Variants in OTUD7B observed in about 807,000 individuals in gnomAD.
The protein encoded by OTUD7B is OTU deubiquitinase 7B, also known as OTU domain-containing protein 7B.
OTUD7B carries 34 observed loss-of-function variants against 82.2 expected under a neutral mutation model. The observed-to-expected ratio is 0.41, with a 90% CI of 0.31 to 0.55. The LOEUF is 0.55. OTUD7B is among the 20% of genes least tolerant of loss of function. The pLI, the probability that OTUD7B is intolerant of heterozygous loss-of-function variation, is 0.20. For missense variants in OTUD7B, 944 were observed against 1,062.1 expected (o/e 0.89, Z 1.55); for synonymous variants, 398 against 402.7 (o/e 0.99, Z 0.14).
At chr1:150,049,416 A>G in the OTUD7B span, among the ~76,000 whole-genome samples, 11 of 152,284 alleles carry the variant, frequency 7.2e-5, no homozygotes, top group African/African-American at 2.6e-4. Context: ...ACTTTTAATA[A>G]TAACTGAAAA....
intron 11 of OTUD7B, among the ~76,000 whole-genome samples, chr1:149,946,312 G>C (rs1333523435): frequency 1.3e-5 from 2 of 151,792 alleles, no homozygotes; most frequent in African/African-American, 4.8e-5. Flanking sequence ...GCAGTGAGCT[G>C]AGATCGTGTC....
chr1:149,975,851 T>A (rs1318066369), intron 2 of OTUD7B, among the ~76,000 whole-genome samples: 1 of 151,738 alleles, frequency 6.6e-6, no homozygotes, highest in Non-Finnish European at 1.5e-5. Flanking sequence ...TGAAACCCCA[T>A]CTCTACTAAA....
rs587686955 is a variant in OTUD7B at position 149,986,090 on chromosome 1, G to T, written c.-66-8514C>A. On this transcript the variant is annotated intron_variant, in intron 1 of 11. Transcript: ENST00000581312. The stretch of plus-strand genomic sequence containing the variant: ...ATGTTTATCACCCTGCATGGTAGTT[G>T]TGTTTATTTACATGTTTGTCTCCCC... 1.3e-3 allele frequency among the ~76,000 whole-genome samples: 194 copies of T among 152,226 alleles called. 1 individual carries two copies. Among genetic ancestry groups the T allele is most frequent in the African/African-American group, 4.6e-3 (191 of 41,522 alleles).
At chr1:150,065,849 G>GTTTCTTTTTTTTTTTTTT in the OTUD7B span, among the ~76,000 whole-genome samples, 18 of 151,630 alleles carry the variant, frequency 1.2e-4, no homozygotes, top group Middle Eastern at 3.4e-3. Flanking sequence ...TGTTCAAAAT[G>GTTTCTTTTTTTTTTTTTT]TTTATGTTCC....
the OTUD7B span, chr1:150,054,358 G>A: frequency 3.8e-6 from 2 of 532,228 alleles, no homozygotes; most frequent in Non-Finnish European, 7.4e-6. Context: ...TTTTCCTGAA[G>A]CAGCTGGCTA....
At chr1:149,963,670 A>C (rs1649317022) in intron 6 of OTUD7B, 1 of 152,026 alleles carries the variant, frequency 6.6e-6, no homozygotes, top group Admixed American at 6.6e-5. Flanking sequence ...AACATTTGAC[A>C]AACTCCTGAG....
intron 1 of OTUD7B, among the ~76,000 whole-genome samples, chr1:149,983,016 A>G (rs1360795031): frequency 6.6e-6 from 1 of 151,532 alleles, no homozygotes; most frequent in East Asian, 1.9e-4. Flanking sequence ...CACCACACCC[A>G]GCTAATTTTT....
rs782062961 is a variant in OTUD7B, at chr1:149,950,156, T to A, written c.911A>T (p.His304Leu). The A allele has an allele frequency of 2.5e-6, 4 of 1,613,900 alleles. No individual in the cohort carries two copies. The highest frequency in any genetic ancestry group is 3.3e-5 in the Admixed American group (2 of 60,004). ...GACGACTATGGGCCTCCTAAGCACA[T>A]GAGCAAGGACAAAGACGTGAAACTC... ...LEEFHVFVLA[H>L]VLRRPIVVVA... is the part of the protein sequence containing the mutation. Residue 304 changes from histidine to leucine, a missense_variant, in exon 8 of 12, where the codon CAT (histidine) becomes CTT (leucine). By Grantham distance (99) the His-to-Leu change is moderately conservative. Transcript: ENST00000581312.
intron 1 of OTUD7B, among the ~76,000 whole-genome samples, chr1:150,009,743 G>A (rs141761707): frequency 6.6e-6 from 1 of 152,154 alleles, no homozygotes; most frequent in South Asian, 2.1e-4. Flanking sequence ...AAATACGCCG[G>A]CCCAGTAAAC....
At chr1:150,054,089 G>T in the OTUD7B span, 1 of 405,608 alleles carries the variant, frequency 2.5e-6, no homozygotes, top group Admixed American at 3.4e-5. Context: ...GTACTCAGCT[G>T]TGAAATCCAA....
Position 149,992,203 on chromosome 1 carries a change from G to A in OTUD7B, c.-66-14627C>T, listed in dbSNP as rs1057019478. Among the ~76,000 whole-genome samples the A allele has an allele frequency of 6.6e-5, 10 of 152,140 alleles. No homozygotes were observed. In the South Asian group the frequency reaches 8.3e-4, roughly 13 times the overall value. On this transcript the variant is annotated intron_variant, in intron 1 of 11. Coordinates refer to ENST00000581312, the MANE Select transcript of OTUD7B (RefSeq NM_020205.4). ...TGGCGCCACTGCACTCCAGCCTGGCGACACAGCAAGACTCCGTCTCAAAAT... is the reference window on the plus strand; with the variant it reads ...TGGCGCCACTGCACTCCAGCCTGGCAACACAGCAAGACTCCGTCTCAAAAT...
At chr1:149,948,435 G>A (rs1240045339) in intron 10 of OTUD7B, among the ~76,000 whole-genome samples, 1 of 141,276 alleles carries the variant, frequency 7.1e-6, no homozygotes, top group African/African-American at 2.6e-5. Flanking sequence ...GCAGTGGCAC[G>A]ATGTCGGCTC....
the OTUD7B span, among the ~76,000 whole-genome samples, chr1:150,063,817 A>G: frequency 6.6e-6 from 1 of 152,218 alleles, no homozygotes; most frequent in Non-Finnish European, 1.5e-5. Context: ...AACTGTGATG[A>G]AAATTTAACA....
intron 7 of OTUD7B, among the ~76,000 whole-genome samples, chr1:149,951,983 T>C (rs1186844788): frequency 4.6e-5 from 7 of 152,074 alleles, no homozygotes; most frequent in African/African-American, 1.4e-4. Context: ...AGCCTGCACT[T>C]TCAGGAATGC....
rs587697624 is a variant in OTUD7B at position 150,002,531 on chromosome 1, C to T, written c.-67+7917G>A. On this transcript the variant is annotated intron_variant, in intron 1 of 11. Transcript: ENST00000581312. Reference sequence around the variant, plus strand: ...TCACTTTGGACTGGTTAAAAAAAGACGGTAGAATGGAATGATGTTAAGTCC... The same window carrying T: ...TCACTTTGGACTGGTTAAAAAAAGATGGTAGAATGGAATGATGTTAAGTCC... Among the ~76,000 whole-genome samples the T allele has an allele frequency of 3.5e-4, 54 of 152,118 alleles. No homozygotes were observed. In the Middle Eastern group the frequency reaches 0.01, roughly 29 times the overall value.
intron 1 of OTUD7B, among the ~76,000 whole-genome samples, chr1:149,994,738 G>A (rs587640149): frequency 4.7e-4 from 72 of 152,130 alleles, no homozygotes; most frequent in African/African-American, 1.6e-3. Flanking sequence ...AGCCTCCTGA[G>A]TAGCTAGGAC....
rs1415108946 is a variant in OTUD7B, at chr1:150,010,434, G to C, written c.-67+14C>G. On this transcript the variant is annotated intron_variant, in intron 1 of 11. Coordinates refer to ENST00000581312, the MANE Select transcript of OTUD7B (RefSeq NM_020205.4). ...GCAGACGGGGGACGGTGTCAGGACG[G>C]GGGGCTCCGTTACCCTCGCGGGCTC... The C allele has an allele frequency of 6.6e-6, 1 of 152,514 alleles. No individual in the cohort carries two copies. The highest frequency in any genetic ancestry group is 6.5e-5 in the Admixed American group (1 of 15,276). 9.4% of individuals were successfully genotyped at this position (152,514 alleles called of 1,614,324 possible).
rs782498494 is a variant in OTUD7B at position 149,944,361 on chromosome 1, C to A, written c.2028G>T (p.Pro676=). ...KPEPDAREEQ[P]TGPPAESRAM... is the part of the protein sequence containing the mutation. ...CCCTGGACTCTGCTGGGGGACCGGT[C>A]GGCTGCTCTTCCCTAGCATCTGGCT... is the stretch of plus-strand genomic sequence containing the variant. Residue 676 remains proline, a synonymous_variant, in exon 12 of 12, where the codon CCG becomes CCT. Transcript: ENST00000581312. The A allele has an allele frequency of 3.7e-5, 60 of 1,613,418 alleles. No individual in the cohort carries two copies. The highest frequency in any genetic ancestry group is 5.1e-5 in the Non-Finnish European group (60 of 1,179,700).
intron 1 of OTUD7B, among the ~76,000 whole-genome samples, chr1:149,992,466 T>TG (rs1651640144): frequency 2.5e-5 from 2 of 80,912 alleles, no homozygotes; most frequent in African/African-American, 8.1e-5. Context: ...TGTGTGCATG[T>TG]GTTTTTTTTT....
Sources: allele counts gnomAD v4.1 joint callset (sites outside exome capture counted in the v4.1 genomes callset), GRCh38; gene constraint gnomAD v4.1.1; transcripts MANE v1.5; gene names NCBI Gene and HGNC (gene_info 2026-07-23, HGNC 2026-07-21).